The following PUM2 variants were observed in gnomAD, a reference collection of about 807,000 sequenced individuals.
PUM2 encodes pumilio homolog 2.
PUM2 carries 57 observed loss-of-function variants against 124.5 expected under a neutral mutation model. That is an observed-to-expected ratio of 0.46 (90% CI 0.37 to 0.57). PUM2 has a LOEUF of 0.57. PUM2 is among the 20% of genes least tolerant of loss of function. The pLI is 0.00. For synonymous variants in PUM2, 460 were observed against 446.1 expected, an observed-to-expected ratio of 1.03 and a Z score of -0.39; for missense variants, 1,065 against 1,290.6, an observed-to-expected ratio of 0.83 and a Z score of 2.68.
At chr2:20,350,093 A>G (rs1417001918) in intron 1 of PUM2, 1 of 152,278 alleles carries the variant, frequency 6.6e-6, no homozygotes, top group African/African-American at 2.4e-5. Flanking sequence ...GGCGAATCCA[A>G]GTCACTGCTT....
chr2:20,311,039 T>C (rs1317456400), intron 5 of PUM2, among the ~76,000 whole-genome samples: 4 of 152,028 alleles, frequency 2.6e-5, no homozygotes. Context: ...TTAAGAAAGA[T>C]TACTGCTCCT....
chr2:20,327,912 A>G (rs1225010370), intron 1 of PUM2, among the ~76,000 whole-genome samples: 1 of 152,166 alleles, frequency 6.6e-6, no homozygotes, highest in Non-Finnish European at 1.5e-5. Flanking sequence ...GGATTTTCAG[A>G]TGACGCCTGA....
chr2:20,259,948 G>A (rs758602329), intron 15 of PUM2, among the ~76,000 whole-genome samples: 1 of 152,124 alleles, frequency 6.6e-6, no homozygotes, highest in Non-Finnish European at 1.5e-5. Context: ...GTTATTTTCC[G>A]ATTTTATGTT....
At chr2:20,338,977 T>G (rs929419776) in intron 1 of PUM2, among the ~76,000 whole-genome samples, 16 of 152,198 alleles carry the variant, frequency 1.1e-4, no homozygotes, top group Non-Finnish European at 2.1e-4. Flanking sequence ...AATATATACA[T>G]GATAAAATCA....
At chr2:20,323,230 C>T (rs1349305404) in intron 2 of PUM2, among the ~76,000 whole-genome samples, 2 of 152,072 alleles carry the variant, frequency 1.3e-5, no homozygotes, top group Admixed American at 6.5e-5. Context: ...GGGCGGACCA[C>T]GAGGTCAGGA....
chr2:20,347,950 T>C (rs73218119), intron 1 of PUM2, among the ~76,000 whole-genome samples: 4,150 of 152,238 alleles, frequency 0.027, 170 homozygotes, highest in African/African-American at 0.095. Context: ...TTCATCAGCG[T>C]TCCCTCTTAC....
chr2:20,303,721 GACCATCT>G (rs1677547736), intron 7 of PUM2, among the ~76,000 whole-genome samples: 1 of 151,986 alleles, frequency 6.6e-6, no homozygotes, highest in Non-Finnish European at 1.5e-5. Context: ...TGTTCTGGGC[GACCATCT>G]ACGTTTTATA....
chr2:20,317,871 T>C (rs532615825), intron 3 of PUM2, among the ~76,000 whole-genome samples: 3 of 152,312 alleles, frequency 2.0e-5, no homozygotes, highest in Non-Finnish European at 4.4e-5. Context: ...ATTATCTCAA[T>C]CTTTTTTTCA....
At chr2:20,333,627 T>C (rs1005873213) in intron 1 of PUM2, among the ~76,000 whole-genome samples, 1 of 152,096 alleles carries the variant, frequency 6.6e-6, no homozygotes, top group African/African-American at 2.4e-5. Flanking sequence ...AAAGTATTTG[T>C]TTTGGCTAGG....
At chr2:20,289,901 T>C (rs567923975) in intron 10 of PUM2, among the ~76,000 whole-genome samples, 6 of 152,268 alleles carry the variant, frequency 3.9e-5, no homozygotes, top group African/African-American at 7.2e-5. Flanking sequence ...ACCACTGATA[T>C]ACCAAAAGTG....
intron 3 of PUM2, among the ~76,000 whole-genome samples, chr2:20,317,296 A>G (rs892282236): frequency 2.0e-5 from 3 of 152,176 alleles, no homozygotes; most frequent in Admixed American, 6.5e-5. Flanking sequence ...TTCCCTTAAC[A>G]GTTTCTTAGA....
At chr2:20,259,349 T>C (rs554089439) in intron 15 of PUM2, among the ~76,000 whole-genome samples, 8 of 152,248 alleles carry the variant, frequency 5.3e-5, no homozygotes, top group Admixed American at 1.3e-4. Context: ...ATTCACACTG[T>C]TGTGCAACCA....
chr2:20,318,003 C>CG (rs1473067155), intron 3 of PUM2, among the ~76,000 whole-genome samples: 4 of 152,102 alleles, frequency 2.6e-5, no homozygotes, highest in Admixed American at 6.6e-5. Context: ...CAAACATACA[C>CG]GTGTGTGTCT....
chr2:20,335,956 G>A (rs985721981), intron 1 of PUM2, among the ~76,000 whole-genome samples: 7 of 152,074 alleles, frequency 4.6e-5, no homozygotes, highest in Non-Finnish European at 1.0e-4. Context: ...CCTCTTATAA[G>A]GCATCCTCTC....
At chr2:20,255,469 A>C in intron 17 of PUM2, 128 bp from the exon 18 acceptor site, 1 of 900,896 alleles carries the variant, frequency 1.1e-6, no homozygotes, top group Non-Finnish European at 1.6e-6. Flanking sequence ...AGGGTGATGA[A>C]CTCACATTTA....
chr2:20,258,479 G>T, intron 15 of PUM2, 108 bp from the exon 16 acceptor site: 1 of 1,080,842 alleles, frequency 9.3e-7, no homozygotes, highest in Non-Finnish European at 1.3e-6. Context: ...ACTATGTAGG[G>T]CAGGGGCTTT....
intron 10 of PUM2, among the ~76,000 whole-genome samples, chr2:20,285,992 G>A (rs577586331): frequency 1.3e-5 from 2 of 152,206 alleles, no homozygotes; most frequent in Admixed American, 1.3e-4. Flanking sequence ...CCAAATAGAA[G>A]ACACAGAAAG....
At position 20,253,848 on chromosome 2, in the gene PUM2, C is replaced by T. The variant is rs1664094818; in HGVS notation, c.3037G>A (p.Ala1013Thr). 6.2e-7 allele frequency: 1 copy of T among 1,613,128 alleles called. No homozygotes were observed. Among genetic ancestry groups the T allele is most frequent in the Non-Finnish European group, 8.5e-7 (1 of 1,179,446 alleles). Residue 1013 changes from alanine to threonine, a missense_variant, in exon 20 of 21, where the codon GCT becomes ACT. Around this residue, in one of 3 missense-constraint regions of PUM2, gnomAD observed 968 missense variants for 1,159.8 expected, o/e 0.83. Transcript: ENST00000361078. Reference protein sequence around the residue: ...VQKMIDMAEPAQRKIIMHKIR... With the variant: ...VQKMIDMAEPTQRKIIMHKIR... ...TTGTGCATGATTATCTTTCTCTGAG[C>T]AGGTTCAGCCATATCAATCATCTTT...
chr2:20,253,194 A>T (rs1313302323), intron 20 of PUM2, among the ~76,000 whole-genome samples: 1 of 152,112 alleles, frequency 6.6e-6, no homozygotes, highest in Admixed American at 6.6e-5. Flanking sequence ...ATTCCTTAAG[A>T]ATTTCTTTTG....
Sources: gnomAD v4.1 joint callset for allele counts (sites outside exome capture counted in the v4.1 genomes callset) on GRCh38, gnomAD v4.1.1 for gene constraint, gnomAD v4.1.1 regional missense constraint, MANE v1.5 for transcripts, NCBI Gene and HGNC (gene_info 2026-07-23, HGNC 2026-07-21) for gene names.